Variants in BCL11A observed in about 807,000 individuals in gnomAD.
BCL11A encodes the protein BCL11 transcription factor A.
In BCL11A, 2 loss-of-function variants were observed where a neutral mutation model predicts 55.9. That is an observed-to-expected ratio of 0.04 (90% CI 0.01 to 0.11). The LOEUF is 0.11. Ranked by LOEUF, BCL11A falls within the 10% of genes least tolerant of loss-of-function variation. BCL11A has a pLI of 1.00. For synonymous variants in BCL11A, 465 were observed against 473.4 expected (o/e 0.98, Z 0.23); for missense variants, 817 against 1,137.1 (o/e 0.72, Z 4.05).
intron 2 of BCL11A, among the ~76,000 whole-genome samples, chr2:60,484,830 G>C (rs1443260734): frequency 2.0e-5 from 3 of 151,810 alleles, no homozygotes; most frequent in Admixed American, 6.6e-5. Flanking sequence ...CCTCATTATG[G>C]AACATATGTG....
intron 3 of BCL11A, among the ~76,000 whole-genome samples, chr2:60,464,802 A>G (rs1295105266): frequency 6.6e-6 from 1 of 152,156 alleles, no homozygotes; most frequent in Non-Finnish European, 1.5e-5. Context: ...TTTTTTTCAG[A>G]GCCAGTTATG....
Position 60,462,088 on chromosome 2 carries a change from T to C in BCL11A, c.824A>G (p.Asp275Gly), listed in dbSNP as rs374881816. 42 of 1,563,764 alleles carry C rather than the reference T, an allele frequency of 2.7e-5. No individual in the cohort carries two copies. The highest frequency in any genetic ancestry group is 3.6e-5 in the Non-Finnish European group (42 of 1,156,378). Residue 275 changes from aspartate to glycine, a missense_variant, in exon 4 of 4, where the codon GAC (aspartate) becomes GGC (glycine). Asp to Gly is a moderately conservative substitution (Grantham distance 94). This residue lies in a region of BCL11A where 363 missense variants were observed against 486.6 expected (regional missense o/e 0.75). Coordinates refer to ENST00000642384, the MANE Select transcript of BCL11A (RefSeq NM_022893.4). ...LFSPPPRHHLDPHRIERLGAE... is the reference protein window; with the variant it reads ...LFSPPPRHHLGPHRIERLGAE... ...CCCCAGGCGCTCTATGCGGTGGGGG[T>C]CCAAGTGATGTCTCGGTGGTGGACT... is the stretch of plus-strand genomic sequence containing the variant.
At chr2:60,475,645 C>G (rs756806852) in intron 2 of BCL11A, among the ~76,000 whole-genome samples, 15 of 152,158 alleles carry the variant, frequency 9.9e-5, no homozygotes, top group Non-Finnish European at 2.1e-4. Flanking sequence ...CCTCTTTCTT[C>G]TTTTCAAAGC....
chr2:60,461,130 C>T lies in BCL11A; in HGVS notation c.1782G>A (p.Ser594=), dbSNP rs377726544. 4.8e-5 allele frequency: 78 copies of T among 1,610,524 alleles called. No homozygotes were observed. The Middle Eastern group carries it at 6.6e-4, about 14-fold the overall frequency. The stretch of plus-strand genomic sequence containing the variant: ...TAACAGTGCCATCGTCTATGCGGTC[C>T]GACTCGCCGGCCACCGAGTCTTCGT... The part of the protein sequence containing the change: ...TCDEDSVAGE[S]DRIDDGTVNG... The change falls in exon 4 of 4, where the codon TCG becomes TCA. Residue 594 remains serine, a synonymous_variant. Coordinates refer to ENST00000642384, the MANE Select transcript of BCL11A (RefSeq NM_022893.4).
intron 2 of BCL11A, among the ~76,000 whole-genome samples, chr2:60,471,795 C>G (rs1271664295): frequency 1.3e-5 from 2 of 152,144 alleles, no homozygotes; most frequent in Non-Finnish European, 2.9e-5. Context: ...AGACCCAGGC[C>G]CACCCCCGAT....
intron 2 of BCL11A, among the ~76,000 whole-genome samples, chr2:60,531,585 A>G (rs1669458612): frequency 1.3e-5 from 2 of 152,200 alleles, no homozygotes. Context: ...TATTTCATGC[A>G]AGGGGAAAGT....
At chr2:60,500,493 A>T (rs1679219617) in intron 2 of BCL11A, among the ~76,000 whole-genome samples, 1 of 152,160 alleles carries the variant, frequency 6.6e-6, no homozygotes, top group Admixed American at 6.5e-5. Context: ...CCTACCCAAG[A>T]GCCAGGGAAG....
chr2:60,468,089 G>A (rs1472497697), intron 3 of BCL11A, among the ~76,000 whole-genome samples: 26 of 141,360 alleles, frequency 1.8e-4, no homozygotes, highest in Non-Finnish European at 2.8e-4. Context: ...GGTGGTGGTT[G>A]TGGTGGTGGT....
At chr2:60,477,702 T>C (rs1677696992) in intron 2 of BCL11A, among the ~76,000 whole-genome samples, 1 of 152,212 alleles carries the variant, frequency 6.6e-6, no homozygotes, top group South Asian at 2.1e-4. Context: ...GCAGTGGTGC[T>C]GTGAGAGACA....
intron 2 of BCL11A, among the ~76,000 whole-genome samples, chr2:60,478,918 A>G (rs1165181081): frequency 6.6e-6 from 1 of 151,866 alleles, no homozygotes; most frequent in African/African-American, 2.4e-5. Flanking sequence ...TCTCTGGCAA[A>G]GTCCCACAGA....
chr2:60,494,479 G>C (rs1678831988), intron 2 of BCL11A, among the ~76,000 whole-genome samples: 1 of 152,186 alleles, frequency 6.6e-6, no homozygotes. Flanking sequence ...AAACGGCCCA[G>C]AGCTCAGTGA....
intron 1 of BCL11A, among the ~76,000 whole-genome samples, chr2:60,551,919 G>A (rs936570193): frequency 6.6e-6 from 1 of 152,118 alleles, no homozygotes; most frequent in South Asian, 2.1e-4. Flanking sequence ...TTGGCAGGAG[G>A]CTCCCGCACA....
At chr2:60,500,518 G>A (rs1679221566) in intron 2 of BCL11A, among the ~76,000 whole-genome samples, 1 of 152,128 alleles carries the variant, frequency 6.6e-6, no homozygotes. Context: ...GAGAGCCCCT[G>A]AGAAAAAATG....
chr2:60,536,618 G>C (rs1030895187), intron 2 of BCL11A: 1 of 152,074 alleles, frequency 6.6e-6, no homozygotes, highest in South Asian at 2.1e-4. Context: ...AGAGCAAATG[G>C]GACTTGAAGG....
chr2:60,541,704 G>GT (rs1478291784), intron 2 of BCL11A: 22 of 488,898 alleles, frequency 4.5e-5, no homozygotes, highest in Non-Finnish European at 6.2e-5. Context: ...GATTTTGAAG[G>GT]TAAGTAAAAT....
chr2:60,531,293 A>G (rs540224253), intron 2 of BCL11A, among the ~76,000 whole-genome samples: 133 of 152,244 alleles, frequency 8.7e-4, no homozygotes, highest in Non-Finnish European at 3.4e-4. Context: ...ACCCTCTCAC[A>G]CTAACACTAA....
At chr2:60,504,142 C>A (rs1365637270) in intron 2 of BCL11A, among the ~76,000 whole-genome samples, 4 of 152,200 alleles carry the variant, frequency 2.6e-5, no homozygotes, top group Non-Finnish European at 5.9e-5. Context: ...CTCACACTTG[C>A]CTGGCAGGAC....
chr2:60,484,770 C>T (rs1678171218), intron 2 of BCL11A, among the ~76,000 whole-genome samples: 1 of 151,888 alleles, frequency 6.6e-6, no homozygotes, highest in Non-Finnish European at 1.5e-5. Context: ...CTGCCCTTAT[C>T]ACCATTCCAG....
intron 2 of BCL11A, among the ~76,000 whole-genome samples, chr2:60,472,982 C>T (rs546975427): frequency 1.1e-4 from 16 of 152,096 alleles, no homozygotes; most frequent in Non-Finnish European, 2.1e-4. Context: ...CTAAAATGTA[C>T]GTGTGTGTGT....
Sources: gnomAD v4.1 joint callset for allele counts (sites outside exome capture counted in the v4.1 genomes callset) on GRCh38, gnomAD v4.1.1 for gene constraint, gnomAD v4.1.1 regional missense constraint, MANE v1.5 for transcripts, NCBI Gene and HGNC (gene_info 2026-07-23, HGNC 2026-07-21) for gene names.